Variants in UCKL1 observed in about 807,000 individuals in gnomAD.
UCKL1 encodes the protein uridine-cytidine kinase-like 1.
Under a neutral mutation model 59.2 loss-of-function variants are expected in UCKL1, and 65 were observed. The observed-to-expected ratio is 1.10, with a 90% CI of 0.90 to 1.35. The LOEUF (loss-of-function observed/expected upper bound fraction) is 1.35. Ranked by LOEUF, UCKL1 falls within the 40% of genes most tolerant of loss-of-function variation. The probability of loss-of-function intolerance (pLI) is 0.00; values close to 1 mark genes in which losing one functional copy is unlikely to be tolerated. For missense variants in UCKL1, 703 were observed against 784.3 expected (o/e 0.90, Z 1.24); for synonymous variants, 410 against 323.1 (o/e 1.27, Z -2.88).
chr20:63,942,374 G>A (rs1316569110), intron 8 of UCKL1: 12 of 1,170,274 alleles, frequency 1.0e-5, no homozygotes, highest in African/African-American at 1.6e-5. Flanking sequence ...GGAAAGGGGC[G>A]GGGCAGGAGC....
chr20:63,952,280 TG>T, intron 1 of UCKL1, among the ~76,000 whole-genome samples: 1 of 152,282 alleles, frequency 6.6e-6, no homozygotes, highest in Non-Finnish European at 1.5e-5. Context: ...TGGTCTTGCC[TG>T]GCATGGGCAT....
chr20:63,951,493 G>A (rs747218590), intron 1 of UCKL1, among the ~76,000 whole-genome samples: 11 of 152,162 alleles, frequency 7.2e-5, no homozygotes, highest in Non-Finnish European at 1.5e-4. Context: ...GTGCTGAGCT[G>A]GGCACCCCAT....
At chr20:63,944,139 C>T (rs954225974) in intron 7 of UCKL1, among the ~76,000 whole-genome samples, 11 of 152,370 alleles carry the variant, frequency 7.2e-5, no homozygotes, top group African/African-American at 7.2e-5. Context: ...GAGCGGGCTG[C>T]ACCCTCGGCT....
At position 63,940,579 on chromosome 20, in the gene UCKL1, G is replaced by A; in HGVS notation, c.1302+15C>T. 6.2e-7 allele frequency: 1 copy of A among 1,606,452 alleles called. No individual in the cohort carries two copies. Among genetic ancestry groups the A allele is most frequent in the Non-Finnish European group, 8.5e-7 (1 of 1,179,476 alleles). On this transcript the variant is annotated intron_variant, in intron 12 of 14. Coordinates refer to ENST00000354216, the MANE Select transcript of UCKL1 (RefSeq NM_017859.4). The stretch of plus-strand genomic sequence containing the variant: ...CCCTACCCCCGGGCTCATCACCCCG[G>A]CTGCCCCCAGGCACCTCGGGCTCCC...
chr20:63,956,068 G>T, intron 1 of UCKL1, 192 bp downstream of exon 1: 1 of 493,408 alleles, frequency 2.0e-6, no homozygotes, highest in Non-Finnish European at 3.5e-6. Context: ...GCCGGCTTGG[G>T]CCAGGTCCGT....
Position 63,940,809 on chromosome 20 carries a change from G to T in UCKL1, c.1164C>A (p.Cys388Ter), listed in dbSNP as rs1194062492. The change falls in exon 11 of 15, where the codon TGC becomes TGA. Residue 388 changes from cysteine to a stop codon, truncating the protein, a stop_gained. Coordinates refer to ENST00000354216, the MANE Select transcript of UCKL1 (RefSeq NM_017859.4). LOFTEE classifies it high-confidence loss of function. The part of the protein sequence containing the change: ...TPQGQDYAGK[C>*]YAGKQITGVS... ...AGGCAGGTACCTGCTTCCCCGCATA[G>T]CACTTGCCCGCATAGTCCTGCCCCT... 1.3e-6 allele frequency: 2 copies of T among 1,579,192 alleles called. No individual in the cohort carries two copies. The highest frequency in any genetic ancestry group is 1.7e-4 in the Middle Eastern group (1 of 5,892).
rs201061150 is a variant in UCKL1, at chr20:63,956,353, C to T, written c.20G>A (p.Arg7His). 117 of 1,540,888 alleles carry T rather than the reference C, an allele frequency of 7.6e-5. No individual in the cohort carries two copies. The highest frequency in any genetic ancestry group is 1.8e-4 in the Middle Eastern group (1 of 5,482). Residue 7 changes from arginine (R) to histidine (H), a missense_variant, in exon 1 of 15, where the codon CGC (arginine) becomes CAC (histidine). Coordinates refer to ENST00000354216, the MANE Select transcript of UCKL1 (RefSeq NM_017859.4). MAAPPARADADPSPTSP... is the reference protein window; with the variant it reads MAAPPAHADADPSPTSP... ...CGTGGGCGAAGGATCAGCGTCCGCG[C>T]GGGCCGGGGGCGCAGCCATGGCGCT...
Position 63,944,445 on chromosome 20 carries a change from C to T in UCKL1, c.858G>A (p.Thr286=), listed in dbSNP as rs142890300. 46 of 1,309,920 alleles carry T rather than the reference C, an allele frequency of 3.5e-5. No homozygotes were observed. The highest frequency in any genetic ancestry group is 2.0e-4 in the Admixed American group (10 of 49,718). The allele number at this position is 1,309,920 out of a possible 1,614,324, so 81.1% of individuals were successfully genotyped here. Residue 286 remains threonine, a synonymous_variant, in exon 7 of 15, where the codon ACG becomes ACA. Transcript: ENST00000354216. ...DIVVPRGSGN[T]VAIDLIVQHV... ...GCTGCACAATCAGGTCGATGGCCAC[C>T]GTGTTGCCGCTCCCTGGGGCGGGAT...
At chr20:63,947,807 C>T (rs372118263) in intron 1 of UCKL1, among the ~76,000 whole-genome samples, 116 of 152,348 alleles carry the variant, frequency 7.6e-4, no homozygotes, top group South Asian at 2.1e-3. Context: ...GGGAAATCAA[C>T]GGGAGGAAGA....
At chr20:63,947,514 CAG>C (rs1403692205) in intron 1 of UCKL1, among the ~76,000 whole-genome samples, 1 of 152,230 alleles carries the variant, frequency 6.6e-6, no homozygotes, top group African/African-American at 2.4e-5. Flanking sequence ...CTGAAGGGCT[CAG>C]GGAGAGAGGC....
At position 63,946,252 on chromosome 20, in the gene UCKL1, C is replaced by T; in HGVS notation, c.320G>A (p.Ser107Asn). The change falls in exon 3 of 15, where the codon AGT becomes AAT. Residue 107 changes from serine (S) to asparagine (N), a missense_variant. This residue lies in a region of UCKL1 where 398 missense variants were observed against 373.0 expected (regional missense o/e 1.07). Coordinates refer to ENST00000354216, the MANE Select transcript of UCKL1 (RefSeq NM_017859.4). ...EAFAIGLGGG[S>N]ASGKTTVARM... is the part of the protein sequence containing the mutation. ...GGCCACAGTGGTCTTCCCAGAGGCA[C>T]TGCCGCCTCCCAAGCCTGCCGGCGG... The T allele has an allele frequency of 6.3e-7, 1 of 1,597,506 alleles. No individual in the cohort carries two copies. Among genetic ancestry groups the T allele is most frequent in the Non-Finnish European group, 8.5e-7 (1 of 1,173,062 alleles).
chr20:63,950,870 C>A (rs1027708024), intron 1 of UCKL1: 22 of 1,461,528 alleles, frequency 1.5e-5, no homozygotes, highest in Middle Eastern at 3.7e-4. Flanking sequence ...AGAGTGGCCC[C>A]AGGGGTGGAT....
chr20:63,949,992 G>A (rs886435444), intron 1 of UCKL1, among the ~76,000 whole-genome samples: 6 of 152,208 alleles, frequency 3.9e-5, no homozygotes, highest in African/African-American at 7.2e-5. Flanking sequence ...TTCCAACCCC[G>A]CATTTGTGAC....
At chr20:63,946,784 G>A (rs1230125338) in intron 1 of UCKL1, 141 bp from the exon 2 acceptor site, 9 of 848,452 alleles carry the variant, frequency 1.1e-5, no homozygotes, top group Non-Finnish European at 1.6e-5. Context: ...GGGTACATAA[G>A]AACTCTGCCT....
intron 1 of UCKL1, among the ~76,000 whole-genome samples, chr20:63,949,099 C>G (rs2057149349): frequency 6.6e-6 from 1 of 152,198 alleles, no homozygotes; most frequent in African/African-American, 2.4e-5. Flanking sequence ...CGCTGTGCCT[C>G]TCCTCAGAGA....
chr20:63,945,945 C>G lies in UCKL1; in HGVS notation c.442G>C (p.Ala148Pro). 6.2e-7 allele frequency: 1 copy of G among 1,613,794 alleles called. No individual in the cohort carries two copies. The highest frequency in any genetic ancestry group is 8.5e-7 in the Non-Finnish European group (1 of 1,179,958). The change falls in exon 4 of 15, where the codon GCA becomes CCA. Residue 148 changes from alanine (A) to proline (P), a missense_variant. By Grantham distance (27) the Ala-to-Pro change is conservative (BLOSUM62 -1). Transcript: ENST00000354216. ...TGGTCGAAGTTGAAGTTGTTGTGTGCGGCCTGTTCCTGCTGCTGCTCAGTC... is the reference window on the plus strand; with the variant it reads ...TGGTCGAAGTTGAAGTTGTTGTGTGGGGCCTGTTCCTGCTGCTGCTCAGTC... Reference protein sequence around the residue: ...VLTEQQQEQAAHNNFNFDHPD... With the variant: ...VLTEQQQEQAPHNNFNFDHPD...
chr20:63,941,170 G>A lies in UCKL1; in HGVS notation c.962C>T (p.Pro321Leu), dbSNP rs1213692215. Reference sequence around the variant, plus strand: ...GCTCTTCAGGACGCTCAGCGTCCGGGGCAGCGGGTGGCACTGGTGTGCCGA... The same window carrying A: ...GCTCTTCAGGACGCTCAGCGTCCGGAGCAGCGGGTGGCACTGGTGTGCCGA... ...LASAHQCHPL[P>L]RTLSVLKSTP... The change falls in exon 9 of 15, where the codon CCC becomes CTC. Residue 321 changes from proline (P) to leucine (L), a missense_variant. By Grantham distance (98) the Pro-to-Leu change is moderately conservative. This residue lies in a region of UCKL1 where 156 missense variants were observed against 185.6 expected (regional missense o/e 0.84). Transcript: ENST00000354216. The A allele has an allele frequency of 6.4e-7, 1 of 1,572,550 alleles. No individual in the cohort carries two copies. The highest frequency in any genetic ancestry group is 8.6e-7 in the Non-Finnish European group (1 of 1,165,084).
At chr20:63,941,074 C>T (rs767189348) in intron 9 of UCKL1, 31 bp from the exon 10 acceptor site, 7 of 1,596,756 alleles carry the variant, frequency 4.4e-6, no homozygotes, top group South Asian at 3.4e-5. Context: ...CGGGAGCACG[C>T]GCCCGGGGCC....
chr20:63,952,410 G>A (rs2057784291), intron 1 of UCKL1, among the ~76,000 whole-genome samples: 1 of 152,330 alleles, frequency 6.6e-6, no homozygotes, highest in Middle Eastern at 3.4e-3. Flanking sequence ...GGAACCACCA[G>A]GCCCCACCCT....
Sources: gnomAD v4.1 joint callset for allele counts (sites outside exome capture counted in the v4.1 genomes callset) on GRCh38, gnomAD v4.1.1 for gene constraint, gnomAD v4.1.1 regional missense constraint, MANE v1.5 for transcripts, NCBI Gene and HGNC (gene_info 2026-07-23, HGNC 2026-07-21) for gene names.